ERMARD: variants seen among roughly 807,000 people sequenced by gnomAD.
ERMARD encodes the protein ER membrane associated RNA degradation.
Under a neutral mutation model 83.9 loss-of-function variants are expected in ERMARD, and 71 were observed. The ratio of observed to expected loss-of-function variants is 0.85; its 90% CI spans 0.70 to 1.03. The LOEUF (loss-of-function observed/expected upper bound fraction) is 1.03. Ranked by LOEUF, ERMARD falls within the 50% of genes least tolerant of loss-of-function variation. ERMARD has a pLI of 0.00. For missense variants in ERMARD, 838 were observed against 810.9 expected (o/e 1.03, Z -0.41); for synonymous variants, 284 against 298.6 (o/e 0.95, Z 0.50).
Position 169,756,804 on chromosome 6 carries a change from C to G in ERMARD, c.503C>G (p.Ser168Cys), listed in dbSNP as rs1193951294. The G allele has an allele frequency of 6.2e-7, 1 of 1,613,698 alleles. No homozygotes were observed. ...SEELAQVFSQSVMNVLKVFVG... is the reference protein window; with the variant it reads ...SEELAQVFSQCVMNVLKVFVG... ...GAGCTTGCTCAAGTCTTCAGTCAGT[C>G]TGTGGTAAGCTTGTTCATCTAAACT... Residue 168 changes from serine to cysteine, a missense_variant, in exon 5 of 18, where the codon TCT (serine) becomes TGT (cysteine). Coordinates refer to ENST00000366773, the MANE Select transcript of ERMARD (RefSeq NM_018341.3).
In ERMARD at chr6:169,768,235, AAAATT is replaced by A; in HGVS notation, c.1059+72_1059+76del. On this transcript the variant is annotated intron_variant, in intron 11 of 17. Transcript: ENST00000366773. ...TTATGGATGTCGTCAGCACTTCTCT[AAAATT>A]AAATTAATTTTGGCTTGTGGTTTGC... 3 of 1,441,624 alleles carry A rather than the reference AAAATT, an allele frequency of 2.1e-6. No individual in the cohort carries two copies. The South Asian group carries it at 3.6e-5, about 17-fold the overall frequency. 89.3% of individuals were successfully genotyped at this position (1,441,624 alleles called of 1,614,324 possible).
At chr6:169,760,120 C>T (rs535767848) in intron 7 of ERMARD, 146 bp downstream of exon 7, 12 of 1,438,380 alleles carry the variant, frequency 8.3e-6, no homozygotes, top group Admixed American at 7.7e-5. Context: ...CTTGAAGAAC[C>T]TCCTACATTT....
intron 17 of ERMARD, among the ~76,000 whole-genome samples, chr6:169,780,169 C>CCA (rs2128370064): frequency 6.6e-6 from 1 of 152,296 alleles, no homozygotes; most frequent in South Asian, 2.1e-4. Context: ...TCAGTGTGCC[C>CCA]CATGCTTGGC....
At chr6:169,768,669 G>A (rs1031375112) in intron 11 of ERMARD, among the ~76,000 whole-genome samples, 10 of 152,162 alleles carry the variant, frequency 6.6e-5, no homozygotes, top group African/African-American at 2.2e-4. Context: ...GGAGGCTGAG[G>A]CGAGGAAAAT....
chr6:169,776,397 G>T (rs536456489), intron 15 of ERMARD, 58 bp from the exon 16 acceptor site: 15 of 1,577,674 alleles, frequency 9.5e-6, no homozygotes, highest in Non-Finnish European at 6.0e-6. Flanking sequence ...GGTGCAGAAG[G>T]AGAGTGAGGC....
At chr6:169,751,744 A>C in intron 1 of ERMARD, 81 bp downstream of exon 1, 1 of 1,455,680 alleles carries the variant, frequency 6.9e-7, no homozygotes, top group Non-Finnish European at 9.0e-7. Flanking sequence ...GGCTACGCGG[A>C]GTGGGCGAGC....
chr6:169,764,913 GT>G, intron 9 of ERMARD, among the ~76,000 whole-genome samples: 1 of 152,228 alleles, frequency 6.6e-6, no homozygotes, highest in Non-Finnish European at 1.5e-5. Flanking sequence ...TCTGTGTTCT[GT>G]TTCTGTCTCA....
intron 10 of ERMARD, chr6:169,767,226 A>G (rs1328867543): frequency 1.3e-5 from 2 of 152,392 alleles, no homozygotes; most frequent in Admixed American, 6.5e-5. Context: ...TAAGACAACT[A>G]TTAGATCCTA....
chr6:169,777,849 T>C (rs150313331), intron 16 of ERMARD, among the ~76,000 whole-genome samples: 283 of 151,110 alleles, frequency 1.9e-3, no homozygotes, highest in Non-Finnish European at 3.1e-3. Context: ...TATCTGTCAC[T>C]TACTGTCGAG....
chr6:169,762,298 C>A, intron 8 of ERMARD, 131 bp from the exon 9 acceptor site: 1 of 777,612 alleles, frequency 1.3e-6, no homozygotes, highest in Non-Finnish European at 2.1e-6. Context: ...TGGTCTTGAA[C>A]TCCTAGCCTC....
At chr6:169,766,569 T>C in intron 9 of ERMARD, 69 bp from the exon 10 acceptor site, 1 of 1,344,274 alleles carries the variant, frequency 7.4e-7, no homozygotes, top group Non-Finnish European at 1.0e-6. Flanking sequence ...TTTTTTCTTA[T>C]TTTGCATAGT....
rs1793612272 is a variant in ERMARD at position 169,776,489 on chromosome 6, C to T, written c.1555C>T (p.Pro519Ser). ...GCTTCTCCGTGAGCTCTGCAGCACA[C>T]CTGTTCCCACCCTGTTCTGCCCCAG... ...PQLLRELCSTPVPTLFCPRIV... is the reference protein window; with the variant it reads ...PQLLRELCSTSVPTLFCPRIV... The change falls in exon 16 of 18, where the codon CCT (proline) becomes TCT (serine). Residue 519 changes from proline to serine, a missense_variant. Pro to Ser is a moderately conservative substitution (Grantham distance 74, BLOSUM62 -1). Coordinates refer to ENST00000366773, the MANE Select transcript of ERMARD (RefSeq NM_018341.3). 1 of 1,614,140 alleles carries T rather than the reference C, an allele frequency of 6.2e-7. No homozygotes were observed. The highest frequency in any genetic ancestry group is 1.1e-5 in the South Asian group (1 of 91,050).
At chr6:169,766,696 GAAAC>G (rs769710382) in intron 10 of ERMARD, 29 bp downstream of exon 10, 83 of 1,552,198 alleles carry the variant, frequency 5.3e-5, no homozygotes, top group Admixed American at 3.2e-4. Context: ...AAGGTAACTT[GAAAC>G]AAACAGAACG....
intron 4 of ERMARD, 126 bp downstream of exon 4, chr6:169,756,565 T>C: frequency 1.0e-6 from 1 of 968,378 alleles, no homozygotes; most frequent in African/African-American, 1.7e-5. Context: ...GTATGAATTT[T>C]TAATATTTCC....
chr6:169,768,911 C>T (rs1450566735), intron 11 of ERMARD, among the ~76,000 whole-genome samples: 3 of 152,182 alleles, frequency 2.0e-5, no homozygotes, highest in Non-Finnish European at 4.4e-5. Flanking sequence ...AGGTATTTGA[C>T]ATTTATTCCT....
Position 169,762,484 on chromosome 6 carries a change from G to A in ERMARD, c.913G>A (p.Val305Ile). 2 of 1,614,162 alleles carry A rather than the reference G, an allele frequency of 1.2e-6. No homozygotes were observed. The highest frequency in any genetic ancestry group is 3.3e-5 in the Admixed American group (2 of 60,030). The change falls in exon 9 of 18, where the codon GTT becomes ATT. Residue 305 changes from valine (V) to isoleucine (I), a missense_variant. Physicochemically the swap from Val to Ile is conservative, Grantham distance 29. Transcript: ENST00000366773. Reference sequence around the variant, plus strand: ...ACAACTGGAGACTGGACTTAGGAATGTTTTTGCCACACTTAACAGATGTCC... The same window carrying A: ...ACAACTGGAGACTGGACTTAGGAATATTTTTGCCACACTTAACAGATGTCC... Reference protein sequence around the residue: ...LTQLETGLRNVFATLNRCPKR... With the variant: ...LTQLETGLRNIFATLNRCPKR...
Position 169,753,882 on chromosome 6 carries a change from A to G in ERMARD, c.25A>G (p.Ile9Val), listed in dbSNP as rs1288034416. 3.8e-6 allele frequency: 6 copies of G among 1,595,260 alleles called. No homozygotes were observed. The highest frequency in any genetic ancestry group is 2.3e-5 in the East Asian group (1 of 43,912). Residue 9 changes from isoleucine (I) to valine (V), a missense_variant, in exon 2 of 18, where the codon ATT (isoleucine) becomes GTT (valine). Transcript: ENST00000366773. ...TTTTTAGGTATTAATAGGGGACCCT[A>G]TTACCACATGTCTTTCTCCCTCAGT... Reference protein sequence around the residue: MEVLIGDPITTCLSPSVYD... With the variant: MEVLIGDPVTTCLSPSVYD...
At chr6:169,777,908 A>C (rs1197435606) in intron 16 of ERMARD, among the ~76,000 whole-genome samples, 1 of 152,160 alleles carries the variant, frequency 6.6e-6, no homozygotes, top group Non-Finnish European at 1.5e-5. Context: ...ATTTGTATTC[A>C]TTCATTCATT....
At chr6:169,761,929 C>T (rs1020440121) in intron 8 of ERMARD, among the ~76,000 whole-genome samples, 5 of 151,530 alleles carry the variant, frequency 3.3e-5, no homozygotes, top group African/African-American at 4.9e-5. Context: ...GTGATCTGCC[C>T]GCCTCAGCCT....
Sources: gnomAD v4.1 joint callset for allele counts (sites outside exome capture counted in the v4.1 genomes callset) on GRCh38, gnomAD v4.1.1 for gene constraint, MANE v1.5 for transcripts, NCBI Gene and HGNC (gene_info 2026-07-23, HGNC 2026-07-21) for gene names.